BAZ2B: variants seen among roughly 807,000 people sequenced by gnomAD.
BAZ2B encodes the protein bromodomain adjacent to zinc finger domain 2B, also known as bromodomain adjacent to zinc finger domain protein 2B.
In BAZ2B, 91 loss-of-function variants were observed where a neutral mutation model predicts 246.0. The observed-to-expected ratio is 0.37, with a 90% CI of 0.31 to 0.44. The LOEUF (loss-of-function observed/expected upper bound fraction) is 0.44. Ranked by LOEUF, BAZ2B falls within the 20% of genes least tolerant of loss-of-function variation. BAZ2B has a pLI of 1.00. For synonymous variants in BAZ2B, 855 were observed against 860.0 expected, an observed-to-expected ratio of 0.99 and a Z score of 0.10; for missense variants, 2,332 against 2,533.7, an observed-to-expected ratio of 0.92 and a Z score of 1.71.
At chr2:159,484,030 C>A (rs1310181233) in intron 2 of BAZ2B, among the ~76,000 whole-genome samples, 1 of 152,134 alleles carries the variant, frequency 6.6e-6, no homozygotes, top group African/African-American at 2.4e-5. Context: ...ATCTCCCCCA[C>A]CAGGGAACAT....
At chr2:159,478,431 A>C in intron 3 of BAZ2B, 144 bp downstream of exon 3, 9 of 812,834 alleles carry the variant, frequency 1.1e-5, no homozygotes, top group Non-Finnish European at 1.6e-5. Context: ...ATCCTGAAAA[A>C]GCAAAAAGAC....
At chr2:159,408,362 G>A (rs1488141738) in intron 14 of BAZ2B, among the ~76,000 whole-genome samples, 3 of 152,008 alleles carry the variant, frequency 2.0e-5, no homozygotes, top group Non-Finnish European at 4.4e-5. Context: ...TTCTTTTTGT[G>A]GTCTTGCTTT....
intron 1 of BAZ2B, among the ~76,000 whole-genome samples, chr2:159,562,798 T>C (rs1305137130): frequency 6.6e-6 from 1 of 152,188 alleles, no homozygotes; most frequent in Non-Finnish European, 1.5e-5. Flanking sequence ...TTTAGTTTTT[T>C]ATACCAAAAT....
chr2:159,601,535 A>G (rs1188808539), intron 1 of BAZ2B, among the ~76,000 whole-genome samples: 1 of 152,184 alleles, frequency 6.6e-6, no homozygotes, highest in Non-Finnish European at 1.5e-5. Context: ...AGCCTGGCCA[A>G]CATGCAGAAA....
intron 1 of BAZ2B, among the ~76,000 whole-genome samples, chr2:159,611,957 T>C (rs2151820418): frequency 6.6e-6 from 1 of 152,056 alleles, no homozygotes; most frequent in African/African-American, 2.4e-5. Flanking sequence ...TAGGCACCAA[T>C]GGGATGACAC....
At chr2:159,624,917 G>A in the BAZ2B span, among the ~76,000 whole-genome samples, 4 of 151,996 alleles carry the variant, frequency 2.6e-5, no homozygotes, top group African/African-American at 4.8e-5. Context: ...CCCAATGCAA[G>A]GAAGCTAAGA....
chr2:159,350,181 C>T lies in BAZ2B; in HGVS notation c.4390G>A (p.Gly1464Ser). ...DNTNLFLQKP[G>S]SFSKLSKLLE... The stretch of plus-strand genomic sequence containing the variant: ...AGCTTGCTTAATTTGGAAAAAGAGC[C>T]AGGTTTCTGAAGGAATAGATTTGTG... The change falls in exon 28 of 37, where the codon GGC becomes AGC. Residue 1464 changes from glycine (G) to serine (S), a missense_variant. Gly to Ser is a moderately conservative substitution (Grantham distance 56). Around this residue, in one of 9 missense-constraint regions of BAZ2B, gnomAD observed 676 missense variants for 668.6 expected, o/e 1.01. Transcript: ENST00000392783. 2 of 1,614,062 alleles carry T rather than the reference C, an allele frequency of 1.2e-6. No homozygotes were observed. Among genetic ancestry groups the T allele is most frequent in the South Asian group, 1.1e-5 (1 of 91,082 alleles).
At chr2:159,662,930 T>C in the BAZ2B span, among the ~76,000 whole-genome samples, 2 of 152,232 alleles carry the variant, frequency 1.3e-5, no homozygotes, top group African/African-American at 2.4e-5. Context: ...ATGTTGAACA[T>C]AATTTCATGT....
intron 1 of BAZ2B, among the ~76,000 whole-genome samples, chr2:159,575,635 G>A (rs1685114415): frequency 6.6e-6 from 1 of 152,072 alleles, no homozygotes; most frequent in South Asian, 2.1e-4. Context: ...TGTAAAGTGA[G>A]GAATGGAGAC....
At chr2:159,446,699 C>A in intron 6 of BAZ2B, 83 bp downstream of exon 6, 8 of 1,305,278 alleles carry the variant, frequency 6.1e-6, no homozygotes, top group South Asian at 5.1e-5. Flanking sequence ...GAAATTAAAC[C>A]ATAGATTCTG....
Position 159,350,059 on chromosome 2 carries a change from T to C in BAZ2B, c.4512A>G (p.Gly1504=), listed in dbSNP as rs753378715. Reference sequence around the variant, plus strand: ...ACTGAACGCTGCCCAGTGAATGTTTTCCACTGTTCTGATAAGACAACGTGC... The same window carrying C: ...ACTGAACGCTGCCCAGTGAATGTTTCCCACTGTTCTGATAAGACAACGTGC... ...NGCTLSYQNS[G]KHSLGSVQST... Residue 1504 remains glycine (G), a synonymous_variant, in exon 28 of 37, where the codon GGA becomes GGG. Transcript: ENST00000392783. 6.2e-7 allele frequency: 1 copy of C among 1,614,160 alleles called. No homozygotes were observed. Among genetic ancestry groups the C allele is most frequent in the Non-Finnish European group, 8.5e-7 (1 of 1,180,018 alleles).
intron 27 of BAZ2B, among the ~76,000 whole-genome samples, chr2:159,367,697 A>T (rs1349103454): frequency 6.6e-6 from 1 of 152,070 alleles, no homozygotes; most frequent in Non-Finnish European, 1.5e-5. Context: ...CATCCTGGCT[A>T]ACACAGTGAA....
chr2:159,382,117 C>T (rs190780383), intron 25 of BAZ2B, among the ~76,000 whole-genome samples: 245 of 152,222 alleles, frequency 1.6e-3, no homozygotes, highest in Middle Eastern at 3.4e-3. Flanking sequence ...GTGCCTTATT[C>T]GTCTTTGATT....
Position 159,379,800 on chromosome 2 carries a change from T to C in BAZ2B, c.4005+2759A>G, listed in dbSNP as rs916298009. Among the ~76,000 whole-genome samples the C allele has an allele frequency of 3.9e-5, 6 of 152,164 alleles. No homozygotes were observed. The South Asian group carries it at 8.3e-4, about 21-fold the overall frequency. ...CTTTATTTCTCCAGCATTACTGAGT[T>C]GATGCAATAAGGGAAAAGAGTTCTT... is the stretch of plus-strand genomic sequence containing the variant. On this transcript the variant is annotated intron_variant, in intron 25 of 36. Coordinates refer to ENST00000392783, the MANE Select transcript of BAZ2B (RefSeq NM_013450.4).
intron 33 of BAZ2B, chr2:159,332,923 T>A: frequency 2.1e-6 from 1 of 466,408 alleles, no homozygotes; most frequent in Non-Finnish European, 3.8e-6. Context: ...AGAACAAAGC[T>A]AGAGGCAGAA....
chr2:159,520,194 T>C (rs1454999439), intron 2 of BAZ2B, among the ~76,000 whole-genome samples: 2 of 152,192 alleles, frequency 1.3e-5, no homozygotes, highest in Non-Finnish European at 2.9e-5. Context: ...GTAACAATGA[T>C]GCATTCTGGT....
At chr2:159,545,182 C>T (rs989901315) in intron 2 of BAZ2B, among the ~76,000 whole-genome samples, 4 of 152,202 alleles carry the variant, frequency 2.6e-5, no homozygotes, top group Admixed American at 6.5e-5. Flanking sequence ...CTTCCCATAT[C>T]ACTTCCCAGT....
At chr2:159,514,486 TA>T (rs1405911434) in intron 2 of BAZ2B, among the ~76,000 whole-genome samples, 1 of 152,188 alleles carries the variant, frequency 6.6e-6, no homozygotes, top group African/African-American at 2.4e-5. Flanking sequence ...AAGTGCCTGA[TA>T]CTTAGGCATT....
At chr2:159,624,652 T>C in the BAZ2B span, among the ~76,000 whole-genome samples, 2 of 152,098 alleles carry the variant, frequency 1.3e-5, no homozygotes, top group South Asian at 4.1e-4. Flanking sequence ...AAAAAGGACA[T>C]CCACTCAGAG....
Sources: gnomAD v4.1 joint callset for allele counts (sites outside exome capture counted in the v4.1 genomes callset) on GRCh38, gnomAD v4.1.1 for gene constraint, gnomAD v4.1.1 regional missense constraint, MANE v1.5 for transcripts, NCBI Gene and HGNC (gene_info 2026-07-23, HGNC 2026-07-21) for gene names.